CAPN7: variants seen among roughly 807,000 people sequenced by gnomAD.
CAPN7 encodes calpain-7.
In CAPN7, 72 loss-of-function variants were observed where a neutral mutation model predicts 115.2. The ratio of observed to expected loss-of-function variants is 0.63; its 90% CI spans 0.52 to 0.76. The LOEUF (loss-of-function observed/expected upper bound fraction) is 0.76. CAPN7 is among the 30% of genes least tolerant of loss of function. CAPN7 has a pLI of 0.00. For synonymous variants in CAPN7, 344 were observed against 322.3 expected, an observed-to-expected ratio of 1.07 and a Z score of -0.72; for missense variants, 905 against 971.5, an observed-to-expected ratio of 0.93 and a Z score of 0.91.
At chr3:15,222,329 G>A (rs1223849649) in intron 5 of CAPN7, among the ~76,000 whole-genome samples, 5 of 152,180 alleles carry the variant, frequency 3.3e-5, no homozygotes, top group Admixed American at 1.3e-4. Flanking sequence ...ATTCTTGATT[G>A]CCCTCTGAAC....
In CAPN7 at chr3:15,224,590, G is replaced by A. The variant is rs1378075295; in HGVS notation, c.725+1029G>A. ...GCCTGACCCTTCTTTTTCTTTTCAT[G>A]TATTTATAGATGCATAGAAAAAAAA... On this transcript the variant is annotated intron_variant, in intron 6 of 20. Coordinates refer to ENST00000253693, the MANE Select transcript of CAPN7 (RefSeq NM_014296.3). Among the ~76,000 whole-genome samples the A allele has an allele frequency of 3.4e-5, 5 of 148,520 alleles. No individual in the cohort carries two copies. The South Asian group carries it at 8.3e-4, about 25-fold the overall frequency.
At chr3:15,218,010 A>G (rs1465920890) in intron 3 of CAPN7, among the ~76,000 whole-genome samples, 1 of 152,034 alleles carries the variant, frequency 6.6e-6, no homozygotes, top group African/African-American at 2.4e-5. Context: ...CTTGGTTGGG[A>G]CTCTTAGCTT....
chr3:15,250,640 C>CT (rs1362309042), intron 19 of CAPN7, among the ~76,000 whole-genome samples: 3 of 152,180 alleles, frequency 2.0e-5, no homozygotes, highest in Non-Finnish European at 4.4e-5. Flanking sequence ...CCTCTGCACT[C>CT]TAACCTGGGC....
intron 16 of CAPN7, 77 bp downstream of exon 16, chr3:15,242,330 A>C: frequency 1.1e-6 from 1 of 900,218 alleles, no homozygotes; most frequent in South Asian, 1.6e-5. Flanking sequence ...GAAAAATGAC[A>C]CATTTTATGT....
chr3:15,249,247 A>G (rs1695860446), intron 19 of CAPN7, among the ~76,000 whole-genome samples: 1 of 152,148 alleles, frequency 6.6e-6, no homozygotes, highest in Non-Finnish European at 1.5e-5. Flanking sequence ...TAATTTCTAG[A>G]TAGATTGAAC....
At chr3:15,248,530 C>T (rs543059678) in intron 19 of CAPN7, among the ~76,000 whole-genome samples, 1 of 152,134 alleles carries the variant, frequency 6.6e-6, no homozygotes, top group African/African-American at 2.4e-5. Flanking sequence ...AAAGCTCTGT[C>T]GAGGGACAGG....
chr3:15,234,954 AG>A, intron 11 of CAPN7, 70 bp from the exon 12 acceptor site: 4 of 1,415,832 alleles, frequency 2.8e-6, no homozygotes, highest in Non-Finnish European at 3.8e-6. Context: ...TTAGACTAAA[AG>A]ATAAAATGGT....
chr3:15,207,189 G>C (rs532127193), intron 1 of CAPN7, among the ~76,000 whole-genome samples: 6 of 152,324 alleles, frequency 3.9e-5, no homozygotes, highest in African/African-American at 1.2e-4. Context: ...CTAGGTTACA[G>C]GCCTGCGCAG....
At chr3:15,232,099 T>C in intron 9 of CAPN7, 1 of 358,058 alleles carries the variant, frequency 2.8e-6, no homozygotes, top group Non-Finnish European at 5.4e-6. Flanking sequence ...ACAGATTTTT[T>C]AATATTTGCA....
At chr3:15,238,093 A>G (rs537469022) in intron 12 of CAPN7, among the ~76,000 whole-genome samples, 22 of 110,196 alleles carry the variant, frequency 2.0e-4, no homozygotes, top group African/African-American at 7.2e-4. Flanking sequence ...TGAAGTGTTT[A>G]TTTAATTCTG....
At chr3:15,217,129 C>T (rs563466375) in intron 2 of CAPN7, among the ~76,000 whole-genome samples, 1 of 151,618 alleles carries the variant, frequency 6.6e-6, no homozygotes, top group South Asian at 2.1e-4. Flanking sequence ...CTCCTGTAGT[C>T]CCAGCTACTC....
intron 2 of CAPN7, among the ~76,000 whole-genome samples, chr3:15,213,179 C>G (rs1460798476): frequency 1.3e-5 from 2 of 152,164 alleles, no homozygotes; most frequent in Non-Finnish European, 2.9e-5. Flanking sequence ...AAATGAAGTT[C>G]TTAAATTTAA....
chr3:15,250,394 C>T (rs1190891859), intron 19 of CAPN7, among the ~76,000 whole-genome samples: 4 of 151,908 alleles, frequency 2.6e-5, no homozygotes, highest in South Asian at 2.1e-4. Context: ...AGAGGTCGGG[C>T]GCAGTGGCTC....
intron 2 of CAPN7, among the ~76,000 whole-genome samples, chr3:15,214,751 A>G (rs1430895083): frequency 6.6e-6 from 1 of 152,234 alleles, no homozygotes; most frequent in African/African-American, 2.4e-5. Flanking sequence ...GTCGTAGTAC[A>G]GAGTTCAAGA....
intron 6 of CAPN7, among the ~76,000 whole-genome samples, chr3:15,226,329 C>T (rs779807458): frequency 1.1e-4 from 16 of 152,184 alleles, no homozygotes; most frequent in Non-Finnish European, 1.9e-4. Flanking sequence ...CCGCCTCAGC[C>T]TCCCAAAGTG....
intron 4 of CAPN7, among the ~76,000 whole-genome samples, chr3:15,219,320 C>G (rs1693825317): frequency 6.6e-6 from 1 of 151,994 alleles, no homozygotes; most frequent in South Asian, 2.1e-4. Flanking sequence ...GTGGAAATTG[C>G]TTTTATACCT....
chr3:15,218,572 G>C, intron 4 of CAPN7, 32 bp downstream of exon 4: 1 of 1,480,276 alleles, frequency 6.8e-7, no homozygotes, highest in South Asian at 1.2e-5. Flanking sequence ...CTAATCCATG[G>C]ATGGCACTTA....
In CAPN7 at chr3:15,227,897, G is replaced by T; in HGVS notation, c.784G>T (p.Val262Leu). The T allele has an allele frequency of 6.4e-7, 1 of 1,551,794 alleles. No individual in the cohort carries two copies. The highest frequency in any genetic ancestry group is 8.7e-7 in the Non-Finnish European group (1 of 1,146,852). ...PKQKTTFSKW[V>L]RPEDLTNNPT... ...ACAAAAAACTACATTTTCCAAGTGG[G>T]TACGACCAGAAGACCTCACCAACAA... The change falls in exon 7 of 21, where the codon GTA becomes TTA. Residue 262 changes from valine (V) to leucine (L), a missense_variant. Transcript: ENST00000253693.
intron 4 of CAPN7, 59 bp from the exon 5 acceptor site, chr3:15,220,722 T>G (rs1259295808): frequency 1.3e-6 from 2 of 1,528,146 alleles, no homozygotes; most frequent in Non-Finnish European, 1.8e-6. Context: ...TTTTGTTTCC[T>G]GAAAAGCTTA....
Sources: gnomAD v4.1 joint callset for allele counts (sites outside exome capture counted in the v4.1 genomes callset) on GRCh38, gnomAD v4.1.1 for gene constraint, MANE v1.5 for transcripts, NCBI Gene and HGNC (gene_info 2026-07-23, HGNC 2026-07-21) for gene names.